SYN2: variants seen among roughly 807,000 people sequenced by gnomAD.
SYN2 encodes the protein synapsin II.
In SYN2, 19 loss-of-function variants were observed where a neutral mutation model predicts 50.9. The ratio of observed to expected loss-of-function variants is 0.37; its 90% confidence interval spans 0.26 to 0.55. SYN2 has a LOEUF of 0.55. Among genes scored for constraint, SYN2 ranks in the 20% least tolerant of loss-of-function variants. The pLI is 0.81. For synonymous variants in SYN2, 255 were observed against 224.9 expected (o/e 1.13, Z -1.20); for missense variants, 587 against 576.4 (o/e 1.02, Z -0.19).
intron 1 of SYN2, among the ~76,000 whole-genome samples, chr3:12,103,827 G>T (rs1696124237): frequency 6.6e-6 from 1 of 152,116 alleles, no homozygotes; most frequent in Non-Finnish European, 1.5e-5. Flanking sequence ...GGAAAAGAAA[G>T]AAGTTCAGGG....
At chr3:12,138,060 T>G (rs1398647785) in intron 1 of SYN2, among the ~76,000 whole-genome samples, 1 of 152,170 alleles carries the variant, frequency 6.6e-6, no homozygotes, top group Non-Finnish European at 1.5e-5. Flanking sequence ...CCTGTACTAG[T>G]GTTCTCTTAG....
At chr3:12,031,206 T>C (rs1694375020) in intron 1 of SYN2, among the ~76,000 whole-genome samples, 2 of 34,220 alleles carry the variant, frequency 5.8e-5, no homozygotes, top group African/African-American at 1.8e-4. Context: ...AGATTCTTAA[T>C]CCTGAGTTCT....
intron 1 of SYN2, among the ~76,000 whole-genome samples, chr3:12,025,553 T>C (rs1282112289): frequency 6.6e-6 from 1 of 152,232 alleles, no homozygotes; most frequent in Non-Finnish European, 1.5e-5. Flanking sequence ...GTTAGTCAGC[T>C]TGTAATTGCC....
At chr3:12,187,758 T>C in intron 12 of SYN2, 146 bp downstream of exon 12, 7 of 1,261,748 alleles carry the variant, frequency 5.5e-6, no homozygotes, top group Non-Finnish European at 7.3e-6. Context: ...TGTTAGTTTG[T>C]TTTTGGTTTT....
intron 5 of SYN2, chr3:12,156,996 G>A: frequency 8.3e-7 from 1 of 1,200,404 alleles, no homozygotes; most frequent in Non-Finnish European, 1.2e-6. Flanking sequence ...TATATTAACA[G>A]ACAAAAACCT....
chr3:12,011,289 C>T (rs1307595250), intron 1 of SYN2, among the ~76,000 whole-genome samples: 1 of 152,078 alleles, frequency 6.6e-6, no homozygotes, highest in African/African-American at 2.4e-5. Flanking sequence ...TTTTTAGCTT[C>T]CCACATAGAA....
chr3:12,059,069 A>C (rs1283236440), intron 1 of SYN2, among the ~76,000 whole-genome samples: 1 of 152,142 alleles, frequency 6.6e-6, no homozygotes, highest in East Asian at 1.9e-4. Flanking sequence ...ACTGGGGTCT[A>C]CTTGCCTGGC....
chr3:12,039,548 GATT>G (rs1324137277), intron 1 of SYN2, among the ~76,000 whole-genome samples: 1 of 63,560 alleles, frequency 1.6e-5, no homozygotes, highest in Non-Finnish European at 2.9e-5. Flanking sequence ...AAGAAGCAAA[GATT>G]TTTTTTTTTT....
intron 1 of SYN2, among the ~76,000 whole-genome samples, chr3:12,006,596 G>A (rs1041594922): frequency 2.6e-5 from 4 of 152,228 alleles, no homozygotes; most frequent in Admixed American, 2.0e-4. Flanking sequence ...TAGCCAGCAA[G>A]TGGTAGAAGC....
At chr3:12,052,495 G>A (rs77296114) in intron 1 of SYN2, among the ~76,000 whole-genome samples, 4,486 of 152,234 alleles carry the variant, frequency 0.029, 155 homozygotes, top group East Asian at 0.19. Flanking sequence ...TTGACTGTTA[G>A]AATTGGGCAA....
At chr3:12,050,777 G>A (rs1163973082) in intron 1 of SYN2, among the ~76,000 whole-genome samples, 2 of 121,354 alleles carry the variant, frequency 1.6e-5, no homozygotes, top group Non-Finnish European at 1.6e-5. Flanking sequence ...CGCCCAGGCC[G>A]GACTGTGGAC....
intron 7 of SYN2, among the ~76,000 whole-genome samples, chr3:12,163,726 A>G (rs1697714450): frequency 6.6e-6 from 1 of 152,182 alleles, no homozygotes; most frequent in African/African-American, 2.4e-5. Flanking sequence ...TTTAGTTTAC[A>G]ATTTTATATT....
chr3:12,026,012 A>G (rs1694251039), intron 1 of SYN2, among the ~76,000 whole-genome samples: 1 of 152,214 alleles, frequency 6.6e-6, no homozygotes, highest in East Asian at 1.9e-4. Context: ...TGTGATAGAA[A>G]GAGCTTATAG....
chr3:12,158,280 C>T (rs562595412), intron 5 of SYN2, among the ~76,000 whole-genome samples: 6 of 152,164 alleles, frequency 3.9e-5, no homozygotes, highest in Non-Finnish European at 5.9e-5. Flanking sequence ...AAGGACAGAA[C>T]GTGTGTGTTG....
intron 1 of SYN2, among the ~76,000 whole-genome samples, chr3:12,094,136 T>G (rs2125183764): frequency 6.6e-6 from 1 of 152,328 alleles, no homozygotes; most frequent in South Asian, 2.1e-4. Context: ...ATTACAGGCA[T>G]GAGCCACCGT....
At chr3:12,145,170 CGTA>C (rs1202761378) in intron 3 of SYN2, among the ~76,000 whole-genome samples, 4 of 152,152 alleles carry the variant, frequency 2.6e-5, no homozygotes, top group African/African-American at 9.7e-5. Context: ...GGGTGACTGA[CGTA>C]GGAGAATCAC....
intron 1 of SYN2, among the ~76,000 whole-genome samples, chr3:12,118,317 A>C (rs1404120852): frequency 2.0e-5 from 3 of 152,204 alleles, no homozygotes; most frequent in Non-Finnish European, 4.4e-5. Context: ...TAATCCCAGC[A>C]CTTCAAGAGG....
intron 4 of SYN2, among the ~76,000 whole-genome samples, chr3:12,149,612 C>G (rs1455423343): frequency 1.3e-5 from 2 of 152,132 alleles, no homozygotes; most frequent in Non-Finnish European, 2.9e-5. Flanking sequence ...TTTGTCAAAT[C>G]AGAGGGCTGG....
intron 1 of SYN2, among the ~76,000 whole-genome samples, chr3:12,099,454 A>G (rs1696018195): frequency 6.6e-6 from 1 of 152,232 alleles, no homozygotes; most frequent in Non-Finnish European, 1.5e-5. Context: ...ACACTCTTAC[A>G]CAACCAATGA....
Sources: allele counts gnomAD v4.1 joint callset (sites outside exome capture counted in the v4.1 genomes callset), GRCh38; gene constraint gnomAD v4.1.1; transcripts MANE v1.5; gene names NCBI Gene and HGNC (gene_info 2026-07-23, HGNC 2026-07-21).